The following DGKI variants were observed in gnomAD, a reference collection of about 807,000 sequenced individuals.
DGKI encodes diacylglycerol kinase iota, also known as DAG kinase iota.
A neutral mutation model predicts 147.5 loss-of-function variants in DGKI; 55 were observed. The observed-to-expected ratio is 0.37, with a 90% confidence interval of 0.30 to 0.47. The LOEUF (loss-of-function observed/expected upper bound fraction) is 0.47. Ranked by LOEUF, DGKI falls within the 20% of genes least tolerant of loss-of-function variation. The pLI is 1.00. For synonymous variants in DGKI, 469 were observed against 477.1 expected, an observed-to-expected ratio of 0.98 and a Z score of 0.22; for missense variants, 1,007 against 1,323.8, an observed-to-expected ratio of 0.76 and a Z score of 3.71.
chr7:137,638,523 TATAC>T (rs1328773410), intron 6 of DGKI, among the ~76,000 whole-genome samples: 1 of 114,132 alleles, frequency 8.8e-6, no homozygotes, highest in Admixed American at 8.5e-5. Context: ...TGTGTATATA[TATAC>T]ACACACATAT....
At chr7:137,666,279 T>C (rs1822636900) in intron 3 of DGKI, among the ~76,000 whole-genome samples, 1 of 152,208 alleles carries the variant, frequency 6.6e-6, no homozygotes, top group Non-Finnish European at 1.5e-5. Context: ...ACAGCAAGCC[T>C]GTGGTCCCTG....
chr7:137,825,630 TCACA>T (rs1166350575), intron 1 of DGKI, among the ~76,000 whole-genome samples: 1 of 150,794 alleles, frequency 6.6e-6, no homozygotes, highest in Non-Finnish European at 1.5e-5. Context: ...ACACACACTC[TCACA>T]CACACACATT....
chr7:137,715,085 C>T (rs1402441955), intron 1 of DGKI, among the ~76,000 whole-genome samples: 4 of 152,226 alleles, frequency 2.6e-5, no homozygotes, highest in African/African-American at 9.6e-5. Context: ...AATCACCCCT[C>T]TCTGTTTACT....
intron 16 of DGKI, 30 bp downstream of exon 16, chr7:137,578,240 T>C: frequency 1.3e-6 from 2 of 1,498,444 alleles, no homozygotes; most frequent in African/African-American, 1.4e-5. Context: ...AAGTAATATG[T>C]AGTAATTATG....
At chr7:137,620,019 G>A (rs9642076) in intron 7 of DGKI, 79 bp from the exon 8 acceptor site, 777 of 502,292 alleles carry the variant, frequency 1.5e-3, no homozygotes, top group East Asian at 2.3e-3. Context: ...ATGTACACAC[G>A]CACACACACA....
chr7:137,425,344 T>C (rs1812753960), intron 28 of DGKI, among the ~76,000 whole-genome samples: 1 of 152,234 alleles, frequency 6.6e-6, no homozygotes, highest in Non-Finnish European at 1.5e-5. Context: ...GGGTCCTGTC[T>C]GTTAGAAGGA....
At position 137,545,262 on chromosome 7, in the gene DGKI, T is replaced by C. The variant is rs148585129; in HGVS notation, c.2147+7107A>G. On this transcript the variant is annotated intron_variant, in intron 20 of 32. Transcript: ENST00000614521. Reference sequence around the variant, plus strand: ...ATAATAAATGCTAGGTAAGCATATGTGATATGGAGAAAACAAAGGACAAAG... The same window carrying C: ...ATAATAAATGCTAGGTAAGCATATGCGATATGGAGAAAACAAAGGACAAAG... 1.1e-3 allele frequency among the ~76,000 whole-genome samples: 173 copies of C among 152,230 alleles called. 1 individual carries two copies. In the East Asian group the frequency reaches 0.03, roughly 26 times the overall value.
chr7:137,453,546 G>C (rs1814060931), intron 27 of DGKI, among the ~76,000 whole-genome samples: 1 of 152,174 alleles, frequency 6.6e-6, no homozygotes. Context: ...GAGCAGGCGA[G>C]AATGAGAGTG....
At chr7:137,842,329 G>A (rs116314338) in intron 1 of DGKI, among the ~76,000 whole-genome samples, 1,980 of 152,128 alleles carry the variant, frequency 0.013, 45 homozygotes, top group African/African-American at 0.045. Context: ...CAAAACACAC[G>A]CAAAAAAACT....
chr7:137,584,011 T>C (rs1461149217), intron 14 of DGKI, among the ~76,000 whole-genome samples: 2 of 152,204 alleles, frequency 1.3e-5, no homozygotes, highest in Non-Finnish European at 2.9e-5. Context: ...TGAAAATCTA[T>C]TAAATTATAA....
intron 5 of DGKI, among the ~76,000 whole-genome samples, chr7:137,651,155 T>G (rs1250293391): frequency 6.6e-6 from 1 of 152,316 alleles, no homozygotes; most frequent in East Asian, 1.9e-4. Context: ...CAATTACTTT[T>G]GCACCAACCT....
chr7:137,638,825 T>C (rs1821516524), intron 6 of DGKI, among the ~76,000 whole-genome samples: 1 of 151,546 alleles, frequency 6.6e-6, no homozygotes, highest in Non-Finnish European at 1.5e-5. Flanking sequence ...CTCAGTTTTA[T>C]ATGCCTTATT....
At chr7:137,815,752 G>A (rs1797718430) in intron 1 of DGKI, among the ~76,000 whole-genome samples, 1 of 152,096 alleles carries the variant, frequency 6.6e-6, no homozygotes, top group Non-Finnish European at 1.5e-5. Flanking sequence ...ATAAAATACT[G>A]TAGGTAGAAC....
At chr7:137,706,108 AGATAATTTAAAG>A (rs910538174) in intron 1 of DGKI, among the ~76,000 whole-genome samples, 10 of 152,158 alleles carry the variant, frequency 6.6e-5, no homozygotes, top group Admixed American at 1.3e-4. Context: ...TCTTTTTTAA[AGATAATTTAAAG>A]GATAATTTAA....
intron 1 of DGKI, among the ~76,000 whole-genome samples, chr7:137,832,572 G>C (rs1798249605): frequency 6.6e-6 from 1 of 152,216 alleles, no homozygotes; most frequent in African/African-American, 2.4e-5. Context: ...GAGGTCCCTG[G>C]GCTCAGCCCA....
At chr7:137,500,278 A>T (rs1816124591) in intron 21 of DGKI, among the ~76,000 whole-genome samples, 1 of 152,176 alleles carries the variant, frequency 6.6e-6, no homozygotes, top group Admixed American at 6.6e-5. Flanking sequence ...AATGTCTCAT[A>T]ATCCAGACTG....
chr7:137,391,135 T>A lies in DGKI; in HGVS notation c.*85A>T. The A allele has an allele frequency of 9.9e-7, 1 of 1,011,514 alleles. No homozygotes were observed. The allele number at this position is 1,011,514 out of a possible 1,614,324, so 62.7% of individuals were successfully genotyped here. On this transcript the variant is annotated 3_prime_UTR_variant, in exon 33 of 33. Coordinates refer to ENST00000614521, the MANE Select transcript of DGKI (RefSeq NM_001321708.2). ...GAGAGAGACAGATATATGAATTCCA[T>A]CAGCTTCTTCCAGGGGAGCTGCCCA...
chr7:137,423,964 C>G, intron 28 of DGKI, among the ~76,000 whole-genome samples: 1 of 152,244 alleles, frequency 6.6e-6, no homozygotes, highest in Middle Eastern at 3.4e-3. Context: ...TTGCTGCACC[C>G]ACCAACCCAT....
chr7:137,442,850 G>C (rs1293901443), intron 28 of DGKI, among the ~76,000 whole-genome samples: 1 of 152,154 alleles, frequency 6.6e-6, no homozygotes, highest in East Asian at 1.9e-4. Flanking sequence ...TAGTCTAATA[G>C]GGAAAACAGG....
Sources: gnomAD v4.1 joint callset for allele counts (sites outside exome capture counted in the v4.1 genomes callset) on GRCh38, gnomAD v4.1.1 for gene constraint, MANE v1.5 for transcripts, NCBI Gene and HGNC (gene_info 2026-07-23, HGNC 2026-07-21) for gene names.